ZNF704: variants seen among roughly 807,000 people sequenced by gnomAD.
ZNF704 encodes glucocorticoid induced gene 1.
ZNF704 carries 10 observed loss-of-function variants against 44.7 expected under a neutral mutation model. The ratio of observed to expected loss-of-function variants is 0.22; its 90% CI spans 0.14 to 0.38. The LOEUF is 0.38. Ranked by LOEUF, ZNF704 falls within the 10% of genes least tolerant of loss-of-function variation. The pLI is 1.00. For synonymous variants in ZNF704, 211 were observed against 207.6 expected, an observed-to-expected ratio of 1.02 and a Z score of -0.14; for missense variants, 390 against 545.5, an observed-to-expected ratio of 0.71 and a Z score of 2.84.
chr8:80,681,849 T>C (rs1263945927), intron 4 of ZNF704, among the ~76,000 whole-genome samples: 1 of 152,278 alleles, frequency 6.6e-6, no homozygotes, highest in Non-Finnish European at 1.5e-5. Flanking sequence ...TCCTTCGAAC[T>C]CCAATGTCCC....
chr8:80,850,963 C>T (rs886109905), intron 1 of ZNF704, among the ~76,000 whole-genome samples: 1 of 152,122 alleles, frequency 6.6e-6, no homozygotes, highest in Non-Finnish European at 1.5e-5. Context: ...AATGGGGATA[C>T]CTTCTGAGAA....
At chr8:80,699,155 T>A (rs1163164606) in intron 2 of ZNF704, among the ~76,000 whole-genome samples, 1 of 152,178 alleles carries the variant, frequency 6.6e-6, no homozygotes, top group Admixed American at 6.5e-5. Context: ...GAATAATGTC[T>A]GAAAATAAAA....
At chr8:80,827,387 G>A (rs773439847) in intron 1 of ZNF704, among the ~76,000 whole-genome samples, 1 of 152,100 alleles carries the variant, frequency 6.6e-6, no homozygotes, top group African/African-American at 2.4e-5. Flanking sequence ...CCTCTTCAAG[G>A]AGAGTTACAA....
At chr8:80,727,694 A>G (rs1806509713) in intron 2 of ZNF704, among the ~76,000 whole-genome samples, 2 of 152,124 alleles carry the variant, frequency 1.3e-5, no homozygotes. Flanking sequence ...CGCCCCGATG[A>G]GCTCATCCCT....
At chr8:80,787,870 T>C (rs1273808683) in intron 2 of ZNF704, among the ~76,000 whole-genome samples, 3 of 152,204 alleles carry the variant, frequency 2.0e-5, no homozygotes, top group Admixed American at 1.3e-4. Flanking sequence ...AAAAATTATC[T>C]TGTATAAAAT....
intron 4 of ZNF704, among the ~76,000 whole-genome samples, chr8:80,680,039 T>C (rs764711313): frequency 6.6e-6 from 1 of 152,208 alleles, no homozygotes; most frequent in African/African-American, 2.4e-5. Context: ...GCCCTACCAA[T>C]AGTAAGCCTC....
chr8:80,695,641 G>T (rs755564907), intron 2 of ZNF704, among the ~76,000 whole-genome samples: 1 of 152,110 alleles, frequency 6.6e-6, no homozygotes, highest in Non-Finnish European at 1.5e-5. Context: ...TTTTGCTTTA[G>T]AGGTCTAATT....
chr8:80,821,307 C>T, intron 2 of ZNF704, 67 bp downstream of exon 2: 1 of 1,458,550 alleles, frequency 6.9e-7, no homozygotes, highest in East Asian at 2.3e-5. Flanking sequence ...TGTACACTGG[C>T]AGAGATTATG....
intron 2 of ZNF704, among the ~76,000 whole-genome samples, chr8:80,759,271 T>C (rs1438482748): frequency 1.3e-5 from 2 of 151,430 alleles, no homozygotes; most frequent in African/African-American, 4.9e-5. Flanking sequence ...GCCTGAGCTT[T>C]TTTTTCCAGG....
intron 4 of ZNF704, among the ~76,000 whole-genome samples, chr8:80,683,739 C>A (rs1025512001): frequency 2.0e-5 from 3 of 152,154 alleles, no homozygotes; most frequent in Non-Finnish European, 4.4e-5. Context: ...ACTAAATAAG[C>A]AAATATAGTG....
In ZNF704 at chr8:80,778,614, C is replaced by T. The variant is rs191165251; in HGVS notation, c.221+42760G>A. ...AAGACATGGAATCAACCTAAATGCCCACCAACGGTAGACTGTATAAAGAAA... is the reference window on the plus strand; with the variant it reads ...AAGACATGGAATCAACCTAAATGCCTACCAACGGTAGACTGTATAAAGAAA... On this transcript the variant is annotated intron_variant, in intron 2 of 8. Transcript: ENST00000327835. Among the ~76,000 whole-genome samples, 313 of 152,118 alleles carry T rather than the reference C, an allele frequency of 2.1e-3. 2 individuals carry two copies. Among genetic ancestry groups the T allele is most frequent in the African/African-American group, 7.1e-3 (293 of 41,498 alleles).
chr8:80,852,057 T>G (rs1808874201), intron 1 of ZNF704, among the ~76,000 whole-genome samples: 1 of 152,138 alleles, frequency 6.6e-6, no homozygotes, highest in Non-Finnish European at 1.5e-5. Flanking sequence ...GTAATCCCAC[T>G]CACAGATCAA....
intron 2 of ZNF704, among the ~76,000 whole-genome samples, chr8:80,729,726 C>T (rs1277963579): frequency 6.6e-6 from 1 of 152,200 alleles, no homozygotes; most frequent in Non-Finnish European, 1.5e-5. Context: ...TAACTGAACG[C>T]TTCATCTGAG....
intron 5 of ZNF704, 102 bp downstream of exon 5, chr8:80,670,401 G>C: frequency 1.2e-6 from 1 of 824,710 alleles, no homozygotes; most frequent in Admixed American, 2.0e-5. Flanking sequence ...CCAGCCCAGT[G>C]TCCAGAACCT....
intron 8 of ZNF704, among the ~76,000 whole-genome samples, chr8:80,641,923 T>C (rs896375194): frequency 2.0e-5 from 3 of 152,236 alleles, no homozygotes; most frequent in Admixed American, 6.5e-5. Flanking sequence ...TTTGCTACCA[T>C]ATCCCTTAGG....
At chr8:80,765,247 A>T (rs1807209244) in intron 2 of ZNF704, among the ~76,000 whole-genome samples, 1 of 152,014 alleles carries the variant, frequency 6.6e-6, no homozygotes, top group African/African-American at 2.4e-5. Context: ...GGCCTTCTGT[A>T]TTTGTTCTCT....
At chr8:80,856,432 T>C (rs1341758002) in intron 1 of ZNF704, among the ~76,000 whole-genome samples, 2 of 152,210 alleles carry the variant, frequency 1.3e-5, no homozygotes, top group African/African-American at 2.4e-5. Flanking sequence ...ATTAAATTAA[T>C]CCTTGCCTAT....
chr8:80,821,560 C>A lies in ZNF704; in HGVS notation c.35G>T (p.Arg12Leu), dbSNP rs139188567. Residue 12 changes from arginine to leucine, a missense_variant, in exon 2 of 9, where the codon CGT (arginine) becomes CTT (leucine). By Grantham distance (102) the Arg-to-Leu change is moderately radical. This residue lies in a region of ZNF704 where 80 missense variants were observed against 83.7 expected (regional missense o/e 0.96). Coordinates refer to ENST00000327835, the MANE Select transcript of ZNF704 (RefSeq NM_001033723.3). Reference sequence around the variant, plus strand: ...ATGAGACATTTTTTTACCACAGTCACGTTTTAAGTCCTCTGACTGAAATGT... The same window carrying A: ...ATGAGACATTTTTTTACCACAGTCAAGTTTTAAGTCCTCTGACTGAAATGT... ...TFTFQSEDLK[R>L]DCGKKMSHQH... 1.8e-5 allele frequency: 29 copies of A among 1,613,776 alleles called. No homozygotes were observed. The highest frequency in any genetic ancestry group is 2.5e-5 in the Non-Finnish European group (29 of 1,179,974).
At position 80,659,592 on chromosome 8, in the gene ZNF704, C is replaced by G; in HGVS notation, c.1025G>C (p.Gly342Ala). 1 of 1,613,674 alleles carries G rather than the reference C, an allele frequency of 6.2e-7. No individual in the cohort carries two copies. Among genetic ancestry groups the G allele is most frequent in the African/African-American group, 1.3e-5 (1 of 74,998 alleles). ...SWQSPPVTFTGIPVSPTHHPV... is the reference protein window; with the variant it reads ...SWQSPPVTFTAIPVSPTHHPV... ...TTTCGTTTTTCTACTTACTGGGATGCCTGTGAAAGTGACCGGAGGAGATTG... is the reference window on the plus strand; with the variant it reads ...TTTCGTTTTTCTACTTACTGGGATGGCTGTGAAAGTGACCGGAGGAGATTG... Residue 342 changes from glycine (G) to alanine (A), a missense_variant, in exon 7 of 9, where the codon GGC (glycine) becomes GCC (alanine). Around this residue, in one of 3 missense-constraint regions of ZNF704, gnomAD observed 305 missense variants for 435.7 expected, o/e 0.70. Coordinates refer to ENST00000327835, the MANE Select transcript of ZNF704 (RefSeq NM_001033723.3).
Sources: allele counts gnomAD v4.1 joint callset (sites outside exome capture counted in the v4.1 genomes callset), GRCh38; gene constraint gnomAD v4.1.1; regional missense constraint gnomAD v4.1.1; transcripts MANE v1.5; gene names NCBI Gene and HGNC (gene_info 2026-07-23, HGNC 2026-07-21).